LMO1: variants seen among roughly 807,000 people sequenced by gnomAD.
LMO1 encodes rhombotin-1.
LMO1 carries 10 observed loss-of-function variants against 18.0 expected under a neutral mutation model. The observed-to-expected ratio is 0.55, with a 90% CI of 0.34 to 0.94. The LOEUF is 0.94. Among genes scored for constraint, LMO1 ranks in the 40% least tolerant of loss-of-function variants. The pLI, the probability that LMO1 is intolerant of heterozygous loss-of-function variation, is 0.02. For missense variants in LMO1, 183 were observed against 205.7 expected (o/e 0.89, Z 0.68); for synonymous variants, 77 against 77.9 (o/e 0.99, Z 0.06).
At chr11:8,242,509 A>G (rs1337082527) in intron 1 of LMO1, among the ~76,000 whole-genome samples, 1 of 152,176 alleles carries the variant, frequency 6.6e-6, no homozygotes, top group African/African-American at 2.4e-5. Context: ...TTTGCTACAG[A>G]AAAGCCCCAG....
At chr11:8,239,203 T>C (rs746928172) in intron 1 of LMO1, among the ~76,000 whole-genome samples, 5 of 152,170 alleles carry the variant, frequency 3.3e-5, no homozygotes, top group Non-Finnish European at 7.3e-5. Flanking sequence ...ACAGCCTGGA[T>C]TCTCCGGTGC....
chr11:8,232,828 GC>G (rs1952691940), intron 1 of LMO1, among the ~76,000 whole-genome samples: 1 of 152,190 alleles, frequency 6.6e-6, no homozygotes, highest in Non-Finnish European at 1.5e-5. Context: ...ACAGTGAGAG[GC>G]CCCAGCACGT....
rs542904940 is a variant in LMO1, at chr11:8,233,278, C to T, written c.26-2774G>A. Reference sequence around the variant, plus strand: ...GACCCTTGGGTCTAGAGACCTCCCACGAGAAAGGCTGGCATCCTGGGGGAA... The same window carrying T: ...GACCCTTGGGTCTAGAGACCTCCCATGAGAAAGGCTGGCATCCTGGGGGAA... On this transcript the variant is annotated intron_variant, in intron 1 of 3. Coordinates refer to ENST00000335790, the MANE Select transcript of LMO1 (RefSeq NM_002315.3). Among the ~76,000 whole-genome samples, 4 of 152,262 alleles carry T rather than the reference C, an allele frequency of 2.6e-5. No homozygotes were observed. The South Asian group carries it at 6.2e-4, about 24-fold the overall frequency.
intron 1 of LMO1, among the ~76,000 whole-genome samples, chr11:8,260,854 G>A (rs781107090): frequency 3.9e-5 from 6 of 152,102 alleles, no homozygotes; most frequent in South Asian, 4.1e-4. Context: ...AAAAGGTGCC[G>A]TATGCAGGGA....
intron 1 of LMO1, among the ~76,000 whole-genome samples, chr11:8,240,124 C>T (rs1384924426): frequency 7.9e-6 from 1 of 127,022 alleles, no homozygotes; most frequent in Non-Finnish European, 1.7e-5. Flanking sequence ...AACTTGGACC[C>T]AATCTGGACC....
At chr11:8,234,558 A>G (rs1269370910) in intron 1 of LMO1, among the ~76,000 whole-genome samples, 1 of 152,068 alleles carries the variant, frequency 6.6e-6, no homozygotes, top group Non-Finnish European at 1.5e-5. Flanking sequence ...TGCTTACCCC[A>G]GTGAGCTCCT....
Position 8,226,960 on chromosome 11 carries a change from C to T in LMO1, c.365+15G>A. ...CGTCTGGGGAGTGTGTTGGGTCGGC[C>T]AGTCCAGCACTGACCTCTGGTTGCA... On this transcript the variant is annotated intron_variant, in intron 3 of 3. Coordinates refer to ENST00000335790, the MANE Select transcript of LMO1 (RefSeq NM_002315.3). The T allele has an allele frequency of 1.9e-6, 3 of 1,605,196 alleles. No homozygotes were observed. The highest frequency in any genetic ancestry group is 2.6e-6 in the Non-Finnish European group (3 of 1,174,012).
Position 8,224,477 on chromosome 11 carries a change from T to G in LMO1, c.*139A>C. On this transcript the variant is annotated 3_prime_UTR_variant, in exon 4 of 4. Coordinates refer to ENST00000335790, the MANE Select transcript of LMO1 (RefSeq NM_002315.3). ...GTGGTGGAGGAGGAAGGGCCATCCC[T>G]CCCATCGAGGACGGAGAAGTTCTAA... 1.6e-6 allele frequency: 1 copy of G among 619,686 alleles called. No individual in the cohort carries two copies. The highest frequency in any genetic ancestry group is 2.9e-6 in the Non-Finnish European group (1 of 347,264). The allele number at this position is 619,686 out of a possible 1,614,324, so 38.4% of individuals were successfully genotyped here. A position where few individuals can be genotyped will look rare whatever the true frequency, so the allele number is the denominator to read the frequency against.
intron 1 of LMO1, 42 bp downstream of exon 1, chr11:8,263,296 G>T (rs762242393): frequency 4.4e-6 from 7 of 1,580,910 alleles, no homozygotes; most frequent in Admixed American, 1.7e-5. Flanking sequence ...GCGGCAGGGG[G>T]CGAGGGGGTG....
upstream of LMO1, among the ~76,000 whole-genome samples, chr11:8,265,847 G>A (rs1212092576): frequency 6.6e-6 from 1 of 152,230 alleles, no homozygotes; most frequent in Non-Finnish European, 1.5e-5. Context: ...GCTGCATGCA[G>A]CCTTACTACT....
intron 1 of LMO1, among the ~76,000 whole-genome samples, chr11:8,232,126 G>A (rs935013121): frequency 6.6e-6 from 1 of 152,104 alleles, no homozygotes; most frequent in South Asian, 2.1e-4. Flanking sequence ...GGGAGCTGGC[G>A]CCCACCCACA....
chr11:8,255,992 A>AT, intron 1 of LMO1, among the ~76,000 whole-genome samples: 1 of 151,880 alleles, frequency 6.6e-6, no homozygotes, highest in East Asian at 1.9e-4. Context: ...CGCCCGGCTA[A>AT]TTTTTTGTAT....
chr11:8,228,591 C>T (rs1487261299), intron 2 of LMO1, among the ~76,000 whole-genome samples: 1 of 151,742 alleles, frequency 6.6e-6, no homozygotes, highest in Non-Finnish European at 1.5e-5. Flanking sequence ...AAGGAAGCCA[C>T]GCTCGCATCC....
intron 1 of LMO1, among the ~76,000 whole-genome samples, chr11:8,241,813 T>G (rs1041133906): frequency 1.3e-5 from 2 of 151,114 alleles, no homozygotes; most frequent in African/African-American, 4.9e-5. Context: ...AAAAAAAGTC[T>G]GATTGATTGG....
chr11:8,265,764 C>T (rs1847254770), upstream of LMO1, among the ~76,000 whole-genome samples: 1 of 152,162 alleles, frequency 6.6e-6, no homozygotes, highest in South Asian at 2.1e-4. Flanking sequence ...AAGCACAGGG[C>T]CTGACAGGCT....
intron 1 of LMO1, among the ~76,000 whole-genome samples, chr11:8,260,924 C>T (rs1464067587): frequency 6.6e-6 from 1 of 152,156 alleles, no homozygotes; most frequent in African/African-American, 2.4e-5. Context: ...CAGATAGCCA[C>T]CTGCTGAGAG....
Position 8,258,905 on chromosome 11 carries a change from G to A in LMO1, c.25+4433C>T, listed in dbSNP as rs535565103. ...AGGGTGAAGCTTTTAGGCGAGCAGC[G>A]GCCAGTGATCTCAGCTTCCCCCAGT... is the stretch of plus-strand genomic sequence containing the variant. On this transcript the variant is annotated intron_variant, in intron 1 of 3. Coordinates refer to ENST00000335790, the MANE Select transcript of LMO1 (RefSeq NM_002315.3). Among the ~76,000 whole-genome samples, 14 of 152,282 alleles carry A rather than the reference G, an allele frequency of 9.2e-5. No individual in the cohort carries two copies. The East Asian group carries it at 2.7e-3, about 29-fold the overall frequency.
chr11:8,266,061 G>T (rs76908551), upstream of LMO1, among the ~76,000 whole-genome samples: 1 of 152,182 alleles, frequency 6.6e-6, no homozygotes, highest in Non-Finnish European at 1.5e-5. Context: ...CAAACCCAGG[G>T]ACTGGAGCAG....
intron 1 of LMO1, among the ~76,000 whole-genome samples, 188 bp downstream of exon 1, chr11:8,263,150 C>T (rs1400903390): frequency 3.3e-5 from 5 of 151,520 alleles, no homozygotes; most frequent in Non-Finnish European, 5.9e-5. Context: ...CCTCCTCCCC[C>T]CGCAAGTTCC....
Sources: allele counts gnomAD v4.1 joint callset (sites outside exome capture counted in the v4.1 genomes callset), GRCh38; gene constraint gnomAD v4.1.1; transcripts MANE v1.5; gene names NCBI Gene and HGNC (gene_info 2026-07-23, HGNC 2026-07-21).